WHRN: variants seen among roughly 807,000 people sequenced by gnomAD.
WHRN encodes CASK-interacting protein CIP98.
In WHRN, 41 loss-of-function variants were observed where a neutral mutation model predicts 68.3. That is an observed-to-expected ratio of 0.60 (90% CI 0.47 to 0.78). The LOEUF is 0.78. Among genes scored for constraint, WHRN ranks in the 30% least tolerant of loss-of-function variants. WHRN has a pLI of 0.00. For missense variants in WHRN, 1,243 were observed against 1,244.7 expected (o/e 1.00, Z 0.02); for synonymous variants, 560 against 561.3 (o/e 1.00, Z 0.03).
chr9:114,413,866 C>T (rs755486662), intron 7 of WHRN, among the ~76,000 whole-genome samples: 10 of 152,176 alleles, frequency 6.6e-5, no homozygotes, highest in Non-Finnish European at 1.3e-4. Flanking sequence ...CAGGCCTGTG[C>T]CCTGCTGAAC....
chr9:114,457,265 G>A (rs192277913), intron 3 of WHRN, among the ~76,000 whole-genome samples: 9 of 152,116 alleles, frequency 5.9e-5, no homozygotes, highest in Non-Finnish European at 1.2e-4. Context: ...GTCTAGGGCA[G>A]GGAAAACAAA....
At chr9:114,445,942 T>C (rs895022247) in intron 3 of WHRN, among the ~76,000 whole-genome samples, 61 of 152,312 alleles carry the variant, frequency 4.0e-4, no homozygotes, top group African/African-American at 1.4e-3. Context: ...AGCCCCAAGA[T>C]GGAATATGAT....
In WHRN at chr9:114,492,706, C is replaced by T. The variant is rs1289176451; in HGVS notation, c.618+11478G>A. Among the ~76,000 whole-genome samples the T allele has an allele frequency of 2.0e-5, 3 of 152,286 alleles. No homozygotes were observed. The East Asian group carries it at 5.8e-4, about 29-fold the overall frequency. On this transcript the variant is annotated intron_variant, in intron 1 of 11. Coordinates refer to ENST00000362057, the MANE Select transcript of WHRN (RefSeq NM_015404.4). ...TCAAGTTTTAAAAATTAAGTCCAGG[C>T]TCAGCGTGGTGACTCACACCTGTAG...
intron 3 of WHRN, among the ~76,000 whole-genome samples, chr9:114,427,935 C>T (rs947749958): frequency 2.6e-5 from 4 of 152,170 alleles, no homozygotes; most frequent in African/African-American, 9.7e-5. Context: ...ATTTAGCTCA[C>T]GATCAAGGGT....
intron 3 of WHRN, among the ~76,000 whole-genome samples, chr9:114,456,403 A>G (rs908917821): frequency 3.0e-5 from 2 of 65,928 alleles, no homozygotes; most frequent in African/African-American, 1.0e-4. Flanking sequence ...CTGCAAGGGG[A>G]TAGAAGAAGA....
rs1478692921 is a variant in WHRN, at chr9:114,504,566, C to T, written c.236G>A (p.Arg79His). Reference protein sequence around the residue: ...RNVFDLVRTLRVLLDSPVKRR... With the variant: ...RNVFDLVRTLHVLLDSPVKRR... Reference sequence around the variant, plus strand: ...CTTGACCGGACTGTCCAGCAGCACGCGCAGGGTGCGCACCAGGTCGAAGAC... The same window carrying T: ...CTTGACCGGACTGTCCAGCAGCACGTGCAGGGTGCGCACCAGGTCGAAGAC... Residue 79 changes from arginine (R) to histidine (H), a missense_variant, in exon 1 of 12, where the codon CGC (arginine) becomes CAC (histidine). By Grantham distance (29) the Arg-to-His change is conservative. Transcript: ENST00000362057. The T allele has an allele frequency of 5.0e-6, 8 of 1,611,458 alleles. No individual in the cohort carries two copies. Among genetic ancestry groups the T allele is most frequent in the Non-Finnish European group, 5.9e-6 (7 of 1,179,796 alleles).
At chr9:114,495,384 C>T (rs564078685) in intron 1 of WHRN, among the ~76,000 whole-genome samples, 1 of 152,088 alleles carries the variant, frequency 6.6e-6, no homozygotes, top group Non-Finnish European at 1.5e-5. Context: ...ATGGTGGTGA[C>T]GGGGAAGAGG....
intron 3 of WHRN, among the ~76,000 whole-genome samples, chr9:114,426,768 G>T (rs770355896): frequency 2.0e-5 from 3 of 152,244 alleles, no homozygotes; most frequent in Admixed American, 6.5e-5. Context: ...GGCAAGCCAT[G>T]AAGGTGGACA....
intron 1 of WHRN, among the ~76,000 whole-genome samples, chr9:114,499,921 A>G (rs950391114): frequency 6.6e-6 from 1 of 152,188 alleles, no homozygotes; most frequent in African/African-American, 2.4e-5. Flanking sequence ...GTGGTTCTAT[A>G]TCTCTTTCAT....
chr9:114,422,149 A>G (rs1318717794), intron 7 of WHRN, among the ~76,000 whole-genome samples: 3 of 152,134 alleles, frequency 2.0e-5, no homozygotes, highest in Non-Finnish European at 2.9e-5. Flanking sequence ...TCTCCCACTT[A>G]ACAAGACAGC....
At chr9:114,495,254 T>A (rs753550139) in intron 1 of WHRN, among the ~76,000 whole-genome samples, 62 of 152,126 alleles carry the variant, frequency 4.1e-4, no homozygotes, top group Non-Finnish European at 7.5e-4. Flanking sequence ...CTTGATGAGA[T>A]ATGTATTTAG....
chr9:114,423,811 C>T (rs1316327791), intron 6 of WHRN, among the ~76,000 whole-genome samples: 4 of 152,224 alleles, frequency 2.6e-5, no homozygotes, highest in African/African-American at 9.6e-5. Flanking sequence ...CTGTCTGAAC[C>T]TTCCACCCAG....
intron 5 of WHRN, 22 bp downstream of exon 5, chr9:114,424,966 T>C (rs1564137063): frequency 1.2e-6 from 2 of 1,613,338 alleles, no homozygotes; most frequent in South Asian, 1.1e-5. Flanking sequence ...AAGCAGAGAA[T>C]ACCCCTTAGA....
At chr9:114,465,642 C>A (rs748647483) in intron 3 of WHRN, among the ~76,000 whole-genome samples, 5 of 152,232 alleles carry the variant, frequency 3.3e-5, no homozygotes, top group Non-Finnish European at 7.3e-5. Context: ...GGCTACCCTG[C>A]AGCGTGCTAA....
chr9:114,407,841 T>A, intron 8 of WHRN, 106 bp downstream of exon 8: 1 of 964,734 alleles, frequency 1.0e-6, no homozygotes, highest in Non-Finnish European at 1.6e-6. Flanking sequence ...CTCTGTCTCC[T>A]TTGCCACCCT....
At chr9:114,500,871 C>G (rs1338923643) in intron 1 of WHRN, among the ~76,000 whole-genome samples, 1 of 152,226 alleles carries the variant, frequency 6.6e-6, no homozygotes, top group East Asian at 1.9e-4. Context: ...CATCAATTTC[C>G]TGATATAGTA....
At chr9:114,472,729 G>A (rs533280797) in intron 2 of WHRN, among the ~76,000 whole-genome samples, 3 of 152,210 alleles carry the variant, frequency 2.0e-5, no homozygotes, top group African/African-American at 7.2e-5. Flanking sequence ...ATAGGTACTT[G>A]GTACATATTT....
At chr9:114,452,889 A>G (rs1839457309) in intron 3 of WHRN, among the ~76,000 whole-genome samples, 2 of 152,076 alleles carry the variant, frequency 1.3e-5, no homozygotes. Flanking sequence ...AAGGGCCCAG[A>G]GCTCTGGGCC....
Position 114,478,680 on chromosome 9 carries a change from AC to A in WHRN, c.709del (p.Val237TrpfsTer22). The A allele has an allele frequency of 6.2e-7, 1 of 1,613,170 alleles. No individual in the cohort carries two copies. On this transcript the variant is annotated frameshift_variant, in exon 2 of 12. Coordinates refer to ENST00000362057, the MANE Select transcript of WHRN (RefSeq NM_015404.4). LOFTEE classifies it high-confidence loss of function. Reference protein sequence around the residue: ...GYVTNHIYTWVDPQGRSISPP... With the variant: ...GYVTNHIYTWXDPQGRSISPP... ...GGAGATGCTGCGGCCCTGCGGGTCC[AC>A]CCAGGTGTAGATGTGGTTGGTGACG... is the stretch of plus-strand genomic sequence containing the variant.
Sources: gnomAD v4.1 joint callset for allele counts (sites outside exome capture counted in the v4.1 genomes callset) on GRCh38, gnomAD v4.1.1 for gene constraint, MANE v1.5 for transcripts, NCBI Gene and HGNC (gene_info 2026-07-23, HGNC 2026-07-21) for gene names.